DDI2: variants seen among roughly 807,000 people sequenced by gnomAD.
DDI2 encodes the protein DDI proteasomal shuttling factor 2, also known as protein DDI1 homolog 2.
Under a neutral mutation model 48.1 loss-of-function variants are expected in DDI2, and 5 were observed. The observed-to-expected ratio is 0.10, with a 90% confidence interval of 0.05 to 0.22. DDI2 has a LOEUF of 0.22. Among genes scored for constraint, DDI2 ranks in the 10% least tolerant of loss-of-function variants. The pLI is 1.00. For missense variants in DDI2, 285 were observed against 506.2 expected, an observed-to-expected ratio of 0.56 and a Z score of 4.19; for synonymous variants, 205 against 183.6, an observed-to-expected ratio of 1.12 and a Z score of -0.94.
At position 15,661,406 on chromosome 1, in the gene DDI2, C is replaced by CT. The variant is rs769394782; in HGVS notation, c.*1619dup. 37 of 1,614,046 alleles carry CT rather than the reference C, an allele frequency of 2.3e-5. No homozygotes were observed. The Admixed American group carries it at 6.2e-4, about 27-fold the overall frequency. On this transcript the variant is annotated 3_prime_UTR_variant, in exon 10 of 10. Coordinates refer to ENST00000480945, the MANE Select transcript of DDI2 (RefSeq NM_032341.5). ...AATCAGACTTCTGAGCAAACTAAGT[C>CT]TTTGTCATCCAATTTCATATTGGTT...
intron 6 of DDI2, among the ~76,000 whole-genome samples, chr1:15,644,578 GTTTTTTTTGT>G (rs1640057861): frequency 2.7e-5 from 3 of 110,144 alleles, no homozygotes; most frequent in Admixed American, 9.3e-5. Context: ...TTTCTTTTCA[GTTTTTTTTGT>G]TTTTTTTTTT....
chr1:15,645,937 G>GC (rs1412994316), intron 6 of DDI2, among the ~76,000 whole-genome samples: 2 of 152,094 alleles, frequency 1.3e-5, no homozygotes, highest in Non-Finnish European at 2.9e-5. Flanking sequence ...GGCAGCCATG[G>GC]CTCTTGTGGC....
intron 2 of DDI2, 74 bp from the exon 3 acceptor site, chr1:15,630,251 G>A (rs1159482598): frequency 5.8e-6 from 8 of 1,370,678 alleles, no homozygotes; most frequent in Non-Finnish European, 5.2e-6. Context: ...GTATGAGCAA[G>A]TGTTCTGCTG....
chr1:15,617,613 C>T lies in DDI2; in HGVS notation c.-58C>T, dbSNP rs1490025099. 5 of 1,278,628 alleles carry T rather than the reference C, an allele frequency of 3.9e-6. No individual in the cohort carries two copies. The African/African-American group carries it at 6.2e-5, about 16-fold the overall frequency. 79.2% of individuals were successfully genotyped at this position (1,278,628 alleles called of 1,614,324 possible). A position where few individuals can be genotyped will look rare whatever the true frequency, so the allele number is the denominator to read the frequency against. ...AGCCAGGCCACGCCGCCGCCTCTTC[C>T]CCTGCGCCCCGCGCCCAGGCCGGGC... On this transcript the variant is annotated 5_prime_UTR_variant, in exon 1 of 10. Coordinates refer to ENST00000480945, the MANE Select transcript of DDI2 (RefSeq NM_032341.5).
rs984978343 is a variant in DDI2, at chr1:15,664,130, G to A, written c.*4340G>A. On this transcript the variant is annotated 3_prime_UTR_variant, in exon 10 of 10. Coordinates refer to ENST00000480945, the MANE Select transcript of DDI2 (RefSeq NM_032341.5). ...TTGCCCAGGCTGGACTCAAACTCTG[G>A]GGCTTAATCATCCTTCTGAGTAGCT... 6.6e-6 allele frequency: 1 copy of A among 151,998 alleles called. No individual in the cohort carries two copies. Among genetic ancestry groups the A allele is most frequent in the Non-Finnish European group, 1.5e-5 (1 of 67,996 alleles). The allele number at this position is 151,998 out of a possible 1,614,324, so 9.4% of individuals were successfully genotyped here.
intron 6 of DDI2, among the ~76,000 whole-genome samples, chr1:15,649,044 G>A (rs1165165507): frequency 6.6e-6 from 1 of 151,976 alleles, no homozygotes; most frequent in Non-Finnish European, 1.5e-5. Flanking sequence ...GACCAGCCTG[G>A]TCAATATAGC....
intron 2 of DDI2, among the ~76,000 whole-genome samples, chr1:15,629,955 C>A (rs1639817060): frequency 6.6e-6 from 1 of 152,094 alleles, no homozygotes; most frequent in African/African-American, 2.4e-5. Context: ...TGGTCTTGAA[C>A]TTCTGACCTC....
In DDI2 at chr1:15,643,847, T is replaced by G. The variant is rs1416253559; in HGVS notation, c.889+197T>G. 2.6e-5 allele frequency among the ~76,000 whole-genome samples: 4 copies of G among 152,228 alleles called. No homozygotes were observed. In the East Asian group the frequency reaches 7.7e-4, roughly 29 times the overall value. The stretch of plus-strand genomic sequence containing the variant: ...CCTGTGTTCCGTCAAAGTTATGTGT[T>G]TCTGCTGGTTGCAAACAAGTAGTCT... On this transcript the variant is annotated intron_variant, in intron 6 of 9. Transcript: ENST00000480945.
At position 15,623,610 on chromosome 1, in the gene DDI2, C is replaced by T. The variant is rs1267858094; in HGVS notation, c.139-3059C>T. On this transcript the variant is annotated intron_variant, in intron 1 of 9. Coordinates refer to ENST00000480945, the MANE Select transcript of DDI2 (RefSeq NM_032341.5). ...TAGAGATGGGGTCTTGCTGTATTGC[C>T]CAGGCTGGCTTTGCATTCCTGGCCT... Among the ~76,000 whole-genome samples, 5 of 145,646 alleles carry T rather than the reference C, an allele frequency of 3.4e-5. No individual in the cohort carries two copies. The East Asian group carries it at 9.8e-4, about 28-fold the overall frequency.
At chr1:15,625,797 T>G (rs1639743827) in intron 1 of DDI2, among the ~76,000 whole-genome samples, 1 of 152,230 alleles carries the variant, frequency 6.6e-6, no homozygotes. Context: ...TTTTGTATTT[T>G]TAGTAGAGAC....
chr1:15,638,489 C>A (rs1442808941), intron 5 of DDI2, 55 bp downstream of exon 5: 17 of 1,543,784 alleles, frequency 1.1e-5, no homozygotes, highest in Non-Finnish European at 1.4e-5. Flanking sequence ...TTACCTGACA[C>A]GGGAGAAGGG....
At chr1:15,641,972 AAAAAGG>A (rs1231671727) in intron 5 of DDI2, among the ~76,000 whole-genome samples, 2 of 151,824 alleles carry the variant, frequency 1.3e-5, no homozygotes, top group African/African-American at 4.8e-5. Flanking sequence ...AAAAAAAAAA[AAAAAGG>A]AGAAGAAAGG....
chr1:15,656,838 A>C, intron 9 of DDI2, 159 bp downstream of exon 9: 1 of 923,022 alleles, frequency 1.1e-6, no homozygotes, highest in Non-Finnish European at 1.6e-6. Context: ...TTTGGCATGC[A>C]TACATGGATA....
chr1:15,633,711 TCTC>T, intron 4 of DDI2, 146 bp downstream of exon 4: 1 of 1,186,654 alleles, frequency 8.4e-7, no homozygotes, highest in East Asian at 2.6e-5. Flanking sequence ...TAGGTTAGTC[TCTC>T]CTCTTTCATT....
intron 6 of DDI2, among the ~76,000 whole-genome samples, chr1:15,645,745 C>A (rs1431127227): frequency 6.6e-6 from 1 of 151,862 alleles, no homozygotes; most frequent in Non-Finnish European, 1.5e-5. Flanking sequence ...TGGCAAGTGC[C>A]GATGGTGCCA....
intron 9 of DDI2, among the ~76,000 whole-genome samples, chr1:15,658,323 T>C (rs1214007182): frequency 6.6e-6 from 1 of 151,758 alleles, no homozygotes; most frequent in Non-Finnish European, 1.5e-5. Context: ...CTAATTTTTG[T>C]ATTTTTAGTA....
intron 5 of DDI2, among the ~76,000 whole-genome samples, chr1:15,640,564 G>A (rs961433056): frequency 1.3e-5 from 2 of 152,208 alleles, no homozygotes; most frequent in South Asian, 2.1e-4. Context: ...CACTCTGACC[G>A]AGGTGCTCAG....
Position 15,617,496 on chromosome 1 carries a change from T to G in DDI2, c.-175T>G. The G allele has an allele frequency of 2.5e-6, 1 of 404,642 alleles. No individual in the cohort carries two copies. The highest frequency in any genetic ancestry group is 4.1e-6 in the Non-Finnish European group (1 of 244,298). 25.1% of individuals were successfully genotyped at this position (404,642 alleles called of 1,614,324 possible). A position where few individuals can be genotyped will look rare whatever the true frequency, so the allele number is the denominator to read the frequency against. On this transcript the variant is annotated 5_prime_UTR_variant, in exon 1 of 10. Coordinates refer to ENST00000480945, the MANE Select transcript of DDI2 (RefSeq NM_032341.5). Reference sequence around the variant, plus strand: ...GGCGTGTGGCGGCGGCCGTGCTTGCTAGTGAGGGCGGGAGGGAGTGACTCA... The same window carrying G: ...GGCGTGTGGCGGCGGCCGTGCTTGCGAGTGAGGGCGGGAGGGAGTGACTCA...
In DDI2 at chr1:15,624,873, T is replaced by G. The variant is rs12130749; in HGVS notation, c.139-1796T>G. ...TCAGCCTCCCCAAGTGCTAGGATTATAGGCATGAGCCATCATACCAGATCT... is the reference window on the plus strand; with the variant it reads ...TCAGCCTCCCCAAGTGCTAGGATTAGAGGCATGAGCCATCATACCAGATCT... On this transcript the variant is annotated intron_variant, in intron 1 of 9. Transcript: ENST00000480945. 4.4e-3 allele frequency among the ~76,000 whole-genome samples: 667 copies of G among 152,296 alleles called. 4 individuals carry two copies. Among genetic ancestry groups the G allele is most frequent in the Non-Finnish European group, 7.8e-3 (530 of 68,020 alleles).
Sources: gnomAD v4.1 joint callset for allele counts (sites outside exome capture counted in the v4.1 genomes callset) on GRCh38, gnomAD v4.1.1 for gene constraint, MANE v1.5 for transcripts, NCBI Gene and HGNC (gene_info 2026-07-23, HGNC 2026-07-21) for gene names.